DYM: variants seen among roughly 807,000 people sequenced by gnomAD.
DYM encodes dyggve-Melchior-Clausen syndrome protein.
DYM carries 78 observed loss-of-function variants against 93.1 expected under a neutral mutation model. The observed-to-expected ratio is 0.84, with a 90% CI of 0.70 to 1.01. DYM has a LOEUF of 1.01. DYM is among the 50% of genes least tolerant of loss of function. The pLI is 0.00. For missense variants in DYM, 789 were observed against 845.0 expected, an observed-to-expected ratio of 0.93 and a Z score of 0.82; for synonymous variants, 321 against 319.7, an observed-to-expected ratio of 1.00 and a Z score of -0.04.
chr18:49,111,611 C>A (rs533353389), intron 16 of DYM, among the ~76,000 whole-genome samples: 1 of 152,284 alleles, frequency 6.6e-6, no homozygotes, highest in East Asian at 1.9e-4. Flanking sequence ...GTACCACATC[C>A]TCTAATGATG....
chr18:49,101,750 A>C (rs1165802200), intron 16 of DYM, among the ~76,000 whole-genome samples: 2 of 152,174 alleles, frequency 1.3e-5, no homozygotes, highest in African/African-American at 4.8e-5. Context: ...ATTTTAATCA[A>C]TACATATATT....
chr18:49,392,503 C>G (rs990101948), intron 2 of DYM, among the ~76,000 whole-genome samples: 1 of 151,764 alleles, frequency 6.6e-6, no homozygotes, highest in Non-Finnish European at 1.5e-5. Flanking sequence ...AACTCAACAA[C>G]AACAAAAACC....
intron 17 of DYM, among the ~76,000 whole-genome samples, chr18:49,067,074 T>C (rs1174166491): frequency 1.2e-5 from 1 of 84,770 alleles, no homozygotes; most frequent in Non-Finnish European, 2.6e-5. Flanking sequence ...ATAAATGGTG[T>C]AGATAATGAG....
At chr18:49,118,961 T>C (rs1048317229) in intron 15 of DYM, 35 bp from the exon 16 acceptor site, 1 of 1,576,594 alleles carries the variant, frequency 6.3e-7, no homozygotes, top group Non-Finnish European at 8.7e-7. Context: ...ACAGAGTCAG[T>C]CTTTTCCTCC....
chr18:49,347,960 T>G (rs938937047), intron 6 of DYM, among the ~76,000 whole-genome samples: 2 of 152,190 alleles, frequency 1.3e-5, no homozygotes, highest in Non-Finnish European at 2.9e-5. Context: ...TCCCAAGAAC[T>G]TTCCACCATC....
intron 11 of DYM, among the ~76,000 whole-genome samples, chr18:49,262,011 C>T (rs2094498049): frequency 6.6e-6 from 1 of 152,122 alleles, no homozygotes; most frequent in African/African-American, 2.4e-5. Context: ...TGAATGGTTT[C>T]CCCCCAAATC....
intron 1 of DYM, among the ~76,000 whole-genome samples, chr18:49,444,195 A>G (rs1007691755): frequency 4.6e-5 from 7 of 152,208 alleles, no homozygotes; most frequent in African/African-American, 1.7e-4. Flanking sequence ...TGTGTTATTG[A>G]ACCGTAATGT....
intron 15 of DYM, among the ~76,000 whole-genome samples, chr18:49,147,529 GA>G (rs1568494767): frequency 6.6e-6 from 1 of 152,084 alleles, no homozygotes; most frequent in Non-Finnish European, 1.5e-5. Context: ...AAAAGTGGGC[GA>G]AGGATATGAA....
intron 13 of DYM, among the ~76,000 whole-genome samples, chr18:49,223,424 C>T (rs1400692495): frequency 4.6e-5 from 7 of 152,020 alleles, no homozygotes; most frequent in Non-Finnish European, 1.0e-4. Context: ...TTACAAAAAC[C>T]TGCCTCTGCT....
chr18:49,226,905 C>T (rs753897082), intron 13 of DYM, among the ~76,000 whole-genome samples: 3 of 151,988 alleles, frequency 2.0e-5, no homozygotes, highest in Admixed American at 2.0e-4. Context: ...TATAATTCAG[C>T]CTGAAAATAT....
chr18:49,447,763 T>C (rs186551606), intron 1 of DYM, among the ~76,000 whole-genome samples: 17 of 152,320 alleles, frequency 1.1e-4, no homozygotes, highest in Non-Finnish European at 2.1e-4. Context: ...ATCCTCTCTG[T>C]ATGAAATGTG....
At chr18:49,303,234 C>T (rs966792749) in intron 8 of DYM, among the ~76,000 whole-genome samples, 1 of 152,176 alleles carries the variant, frequency 6.6e-6, no homozygotes, top group South Asian at 2.1e-4. Flanking sequence ...AGGCATTTTG[C>T]CCCTTTCTTT....
At position 49,094,511 on chromosome 18, in the gene DYM, T is replaced by C. The variant is rs534195739; in HGVS notation, c.2025+2891A>G. Among the ~76,000 whole-genome samples, 7 of 152,324 alleles carry C rather than the reference T, an allele frequency of 4.6e-5. No individual in the cohort carries two copies. In the South Asian group the frequency reaches 1.2e-3, roughly 27 times the overall value. ...CTCCGGAAAAAATAATTACCTGGTA[T>C]TGCCTTTCCCAGACTTCACAGAATA... is the stretch of plus-strand genomic sequence containing the variant. On this transcript the variant is annotated intron_variant, in intron 17 of 17. Coordinates refer to ENST00000675505, the MANE Select transcript of DYM (RefSeq NM_001353214.3).
chr18:49,439,070 T>G (rs7230541), intron 1 of DYM, among the ~76,000 whole-genome samples: 31,743 of 152,110 alleles, frequency 0.21, 3,376 homozygotes, highest in East Asian at 0.28. Flanking sequence ...TCCCATCTCC[T>G]GGCTTTTCTA....
intron 14 of DYM, among the ~76,000 whole-genome samples, chr18:49,192,673 T>C (rs2091088515): frequency 6.6e-6 from 1 of 152,198 alleles, no homozygotes; most frequent in Non-Finnish European, 1.5e-5. Context: ...ATTACTATCA[T>C]TTTATAGAAT....
At chr18:49,410,003 A>G (rs1242173560) in intron 2 of DYM, among the ~76,000 whole-genome samples, 6 of 152,132 alleles carry the variant, frequency 3.9e-5, no homozygotes, top group Non-Finnish European at 7.4e-5. Context: ...TTCCTTTGTC[A>G]TCTCAATCTG....
intron 1 of DYM, among the ~76,000 whole-genome samples, chr18:49,445,105 AT>A (rs1197508968): frequency 2.6e-5 from 4 of 152,324 alleles, no homozygotes; most frequent in African/African-American, 7.2e-5. Context: ...AGCTTTATTA[AT>A]AAAAAACTTG....
intron 2 of DYM, among the ~76,000 whole-genome samples, chr18:49,421,498 G>A (rs995840829): frequency 5.3e-5 from 8 of 152,184 alleles, no homozygotes; most frequent in East Asian, 1.9e-4. Flanking sequence ...CCATCTGTAC[G>A]TCACTATCAT....
intron 3 of DYM, among the ~76,000 whole-genome samples, chr18:49,388,443 G>A (rs1269614413): frequency 1.3e-5 from 2 of 151,894 alleles, no homozygotes; most frequent in Non-Finnish European, 2.9e-5. Flanking sequence ...AAGAAAAAAG[G>A]CCTAACAAGT....
Sources: gnomAD v4.1 joint callset for allele counts (sites outside exome capture counted in the v4.1 genomes callset) on GRCh38, gnomAD v4.1.1 for gene constraint, MANE v1.5 for transcripts, NCBI Gene and HGNC (gene_info 2026-07-23, HGNC 2026-07-21) for gene names.